The following TMEM131 variants were observed in gnomAD, a reference collection of about 807,000 sequenced individuals.
TMEM131 encodes transmembrane protein 131, also known as 2610524E03Rik.
In TMEM131, 66 loss-of-function variants were observed where a neutral mutation model predicts 211.6. The observed-to-expected ratio is 0.31, with a 90% CI of 0.26 to 0.38. The LOEUF (loss-of-function observed/expected upper bound fraction) is 0.38, where lower values mean the gene tolerates loss of function less well. Ranked by LOEUF, TMEM131 falls within the 10% of genes least tolerant of loss-of-function variation. The pLI is 1.00. For missense variants in TMEM131, 2,036 were observed against 2,299.3 expected, an observed-to-expected ratio of 0.89 and a Z score of 2.34; for synonymous variants, 844 against 841.3, an observed-to-expected ratio of 1.00 and a Z score of -0.06.
intron 11 of TMEM131, among the ~76,000 whole-genome samples, chr2:97,825,804 T>C (rs1229630853): frequency 1.3e-5 from 2 of 152,234 alleles, no homozygotes; most frequent in African/African-American, 4.8e-5. Flanking sequence ...TGAGTGGTTG[T>C]GGCAGTGGCC....
chr2:97,813,512 T>C (rs1390851968), intron 15 of TMEM131, among the ~76,000 whole-genome samples: 1 of 152,230 alleles, frequency 6.6e-6, no homozygotes, highest in Non-Finnish European at 1.5e-5. Context: ...CTGTGTCATA[T>C]ATAATCTTCC....
chr2:97,948,801 G>A (rs921611852), intron 1 of TMEM131, among the ~76,000 whole-genome samples: 2 of 152,072 alleles, frequency 1.3e-5, no homozygotes, highest in African/African-American at 4.8e-5. Context: ...GGGACTACAG[G>A]CACCCGCCAC....
chr2:97,820,891 T>C (rs1439683906), intron 11 of TMEM131, among the ~76,000 whole-genome samples: 2 of 151,096 alleles, frequency 1.3e-5, no homozygotes. Context: ...GGGGAATGGG[T>C]TGTTTTCTGA....
At chr2:97,890,165 T>C (rs1675321620) in intron 3 of TMEM131, among the ~76,000 whole-genome samples, 1 of 152,162 alleles carries the variant, frequency 6.6e-6, no homozygotes, top group Admixed American at 6.5e-5. Flanking sequence ...TTATTCAAAG[T>C]GTAACAAACT....
intron 1 of TMEM131, among the ~76,000 whole-genome samples, chr2:97,963,733 C>A (rs1404554163): frequency 3.3e-5 from 5 of 152,246 alleles, no homozygotes; most frequent in African/African-American, 1.2e-4. Context: ...TAAATAAATA[C>A]AATAAGAATT....
At chr2:97,761,152 AG>A (rs1678821081) in intron 36 of TMEM131, 2 of 458,488 alleles carry the variant, frequency 4.4e-6, no homozygotes, top group Non-Finnish European at 7.8e-6. Context: ...AGACCAGGGC[AG>A]GGATCACAAT....
At chr2:97,903,812 T>C (rs1675957317) in intron 3 of TMEM131, among the ~76,000 whole-genome samples, 1 of 151,956 alleles carries the variant, frequency 6.6e-6, no homozygotes, top group Non-Finnish European at 1.5e-5. Context: ...GCCTCCTGAG[T>C]AGCTGGGATT....
At chr2:97,923,783 T>A (rs1676855282) in intron 2 of TMEM131, among the ~76,000 whole-genome samples, 1 of 152,058 alleles carries the variant, frequency 6.6e-6, no homozygotes, top group African/African-American at 2.4e-5. Flanking sequence ...CTGACCTTTA[T>A]CTTCATATAA....
chr2:97,941,447 T>C (rs1414985491), intron 1 of TMEM131, among the ~76,000 whole-genome samples: 2 of 152,116 alleles, frequency 1.3e-5, no homozygotes, highest in African/African-American at 2.4e-5. Flanking sequence ...CCAAAAGCAA[T>C]GGCAACAAAA....
intron 1 of TMEM131, among the ~76,000 whole-genome samples, chr2:97,943,027 A>G (rs1410517013): frequency 2.0e-5 from 1 of 49,730 alleles, no homozygotes; most frequent in South Asian, 5.1e-4. Flanking sequence ...AAAAGAAAAG[A>G]AAAGAAAAGA....
chr2:97,780,752 A>G (rs1038541573), intron 31 of TMEM131, among the ~76,000 whole-genome samples: 2 of 152,220 alleles, frequency 1.3e-5, no homozygotes, highest in African/African-American at 4.8e-5. Flanking sequence ...GGAAGGCAGG[A>G]TGTCTCCCAG....
intron 3 of TMEM131, among the ~76,000 whole-genome samples, chr2:97,904,484 A>G (rs1675987936): frequency 1.3e-5 from 2 of 152,180 alleles, no homozygotes. Flanking sequence ...TATTTGTACT[A>G]TTTTTCCATC....
At chr2:97,812,297 C>A (rs1472549913) in intron 17 of TMEM131, 124 bp downstream of exon 17, 1 of 1,098,588 alleles carries the variant, frequency 9.1e-7, no homozygotes. Flanking sequence ...CTTTTAATAG[C>A]AAGTAACCAA....
chr2:97,862,873 AACT>A (rs1299963775), intron 4 of TMEM131, among the ~76,000 whole-genome samples: 1 of 152,212 alleles, frequency 6.6e-6, no homozygotes, highest in African/African-American at 2.4e-5. Context: ...ATTAATATTG[AACT>A]ACAAGATGGT....
chr2:97,909,735 G>A (rs148403602), intron 2 of TMEM131, among the ~76,000 whole-genome samples: 391 of 152,178 alleles, frequency 2.6e-3, no homozygotes, highest in Non-Finnish European at 3.3e-3. Flanking sequence ...TTCAAGATGC[G>A]TACTAGGTAA....
intron 1 of TMEM131, among the ~76,000 whole-genome samples, chr2:97,985,789 GCAA>G (rs796763304): frequency 1.9e-4 from 29 of 152,018 alleles, no homozygotes; most frequent in African/African-American, 7.0e-4. Flanking sequence ...TGGTGTTAAG[GCAA>G]CTGACTAATG....
At chr2:97,823,930 G>T (rs1340518300) in intron 11 of TMEM131, among the ~76,000 whole-genome samples, 1 of 152,090 alleles carries the variant, frequency 6.6e-6, no homozygotes, top group Non-Finnish European at 1.5e-5. Context: ...AAAATCTGGA[G>T]GCATTATTAA....
At chr2:97,967,445 ATG>A (rs1469017355) in intron 1 of TMEM131, among the ~76,000 whole-genome samples, 1 of 152,190 alleles carries the variant, frequency 6.6e-6, no homozygotes, top group East Asian at 1.9e-4. Context: ...ATTTATTCAT[ATG>A]TGACTACAAA....
At chr2:97,938,126 A>G (rs1417057715) in intron 1 of TMEM131, among the ~76,000 whole-genome samples, 1 of 152,194 alleles carries the variant, frequency 6.6e-6, no homozygotes, top group African/African-American at 2.4e-5. Flanking sequence ...TCAACTAACG[A>G]GCAAAATAAC....
Sources: gnomAD v4.1 joint callset for allele counts (sites outside exome capture counted in the v4.1 genomes callset) on GRCh38, gnomAD v4.1.1 for gene constraint, MANE v1.5 for transcripts, NCBI Gene and HGNC (gene_info 2026-07-23, HGNC 2026-07-21) for gene names.